TRERF1: variants seen among roughly 807,000 people sequenced by gnomAD.
TRERF1 encodes transcriptional regulating factor 1.
TRERF1 carries 27 observed loss-of-function variants against 122.9 expected under a neutral mutation model. The ratio of observed to expected loss-of-function variants is 0.22; its 90% CI spans 0.16 to 0.30. TRERF1 has a LOEUF of 0.30. Ranked by LOEUF, TRERF1 falls within the 10% of genes least tolerant of loss-of-function variation. The pLI is 1.00. For missense variants in TRERF1, 1,248 were observed against 1,560.3 expected, an observed-to-expected ratio of 0.80 and a Z score of 3.37; for synonymous variants, 636 against 641.7, an observed-to-expected ratio of 0.99 and a Z score of 0.13.
chr6:42,428,848 C>G (rs1784043418), intron 2 of TRERF1, among the ~76,000 whole-genome samples: 1 of 152,182 alleles, frequency 6.6e-6, no homozygotes, highest in Non-Finnish European at 1.5e-5. Flanking sequence ...CTGCCTCCCT[C>G]TCCCTCCCTT....
At chr6:42,231,309 GAAAT>G (rs1562099322) in intron 17 of TRERF1, among the ~76,000 whole-genome samples, 3 of 152,124 alleles carry the variant, frequency 2.0e-5, no homozygotes. Context: ...AGAACTATAA[GAAAT>G]AAATTTATTT....
intron 2 of TRERF1, among the ~76,000 whole-genome samples, chr6:42,415,721 T>C (rs1781737187): frequency 6.6e-6 from 1 of 152,194 alleles, no homozygotes; most frequent in Non-Finnish European, 1.5e-5. Flanking sequence ...CATCACTTAT[T>C]CAGCCAATTA....
exon 16 of TRERF1, chr6:42,236,316 C>A: frequency 1.2e-6 from 2 of 1,603,664 alleles, no homozygotes; most frequent in Non-Finnish European, 1.7e-6. Context: ...GCTCCGGGGA[C>A]TTCGGCACCT....
intron 2 of TRERF1, among the ~76,000 whole-genome samples, chr6:42,398,274 G>A (rs57001554): frequency 0.078 from 11,935 of 152,150 alleles, 649 homozygotes; most frequent in African/African-American, 0.14. Context: ...AAGTGAAGCA[G>A]GTCTGAACAT....
At chr6:42,245,848 C>T (rs1193974152) in intron 14 of TRERF1, among the ~76,000 whole-genome samples, 2 of 152,222 alleles carry the variant, frequency 1.3e-5, no homozygotes, top group Admixed American at 1.3e-4. Context: ...CGGCTCACGC[C>T]GGTAATCCCA....
chr6:42,439,829 G>C (rs1423781392), intron 2 of TRERF1, among the ~76,000 whole-genome samples: 1 of 152,196 alleles, frequency 6.6e-6, no homozygotes, highest in African/African-American at 2.4e-5. Context: ...AAGTCAGAGG[G>C]ATAAGCCTAG....
intron 3 of TRERF1, among the ~76,000 whole-genome samples, chr6:42,321,148 A>G (rs1763383254): frequency 6.8e-6 from 1 of 146,928 alleles, no homozygotes; most frequent in South Asian, 2.1e-4. Context: ...CTATTCTTCC[A>G]AGCCAAAAAA....
intron 3 of TRERF1, among the ~76,000 whole-genome samples, chr6:42,329,477 C>T (rs1474592602): frequency 2.0e-5 from 3 of 152,098 alleles, no homozygotes; most frequent in African/African-American, 7.2e-5. Flanking sequence ...GACCAACCTC[C>T]CACCCTCCAG....
At position 42,436,800 on chromosome 6, in the gene TRERF1, C is replaced by CA. The variant is rs775861205; in HGVS notation, c.-454+14376dup. On this transcript the variant is annotated intron_variant, in intron 2 of 17. Coordinates refer to ENST00000372922, the Ensembl canonical transcript of TRERF1. ...ATGAATTATTTGCAATCTCCCTCTACAAAAAAAAAAAAAAATATATATATA... is the reference window on the plus strand; with the variant it reads ...ATGAATTATTTGCAATCTCCCTCTACAAAAAAAAAAAAAAAATATATATATA... Among the ~76,000 whole-genome samples, 568 of 77,486 alleles carry CA rather than the reference C, an allele frequency of 7.3e-3. 11 individuals are homozygous for CA. Among genetic ancestry groups the CA allele is most frequent in the African/African-American group, 0.026 (418 of 15,790 alleles). 50.8% of individuals were successfully genotyped at this position (77,486 alleles called of 152,430 possible).
At chr6:42,267,870 G>A (rs1315101012) in intron 5 of TRERF1, among the ~76,000 whole-genome samples, 3 of 152,208 alleles carry the variant, frequency 2.0e-5, no homozygotes, top group African/African-American at 7.2e-5. Context: ...CCTGGCATGT[G>A]ACTCAAGGTC....
At chr6:42,297,598 G>A (rs72857621) in intron 4 of TRERF1, among the ~76,000 whole-genome samples, 2 of 152,308 alleles carry the variant, frequency 1.3e-5, no homozygotes, top group Non-Finnish European at 2.9e-5. Flanking sequence ...AGAATGGGGG[G>A]AAAATCTCTC....
intron 2 of TRERF1, among the ~76,000 whole-genome samples, chr6:42,378,723 G>C (rs1775354247): frequency 6.6e-6 from 1 of 152,184 alleles, no homozygotes; most frequent in African/African-American, 2.4e-5. Context: ...GAGAGGGGAA[G>C]TAACTGTCCA....
intron 15 of TRERF1, among the ~76,000 whole-genome samples, chr6:42,240,217 A>G (rs1049276002): frequency 1.2e-4 from 19 of 152,196 alleles, no homozygotes; most frequent in African/African-American, 4.6e-4. Flanking sequence ...AGCAACTCCT[A>G]TCTTCGAAAA....
chr6:42,299,060 G>C (rs1312191130), intron 4 of TRERF1, among the ~76,000 whole-genome samples: 1 of 147,182 alleles, frequency 6.8e-6, no homozygotes, highest in African/African-American at 2.6e-5. Flanking sequence ...GGGCAAGAGA[G>C]CAAGACCCTG....
intron 15 of TRERF1, among the ~76,000 whole-genome samples, chr6:42,241,120 G>A (rs998622528): frequency 3.9e-5 from 6 of 152,090 alleles, no homozygotes; most frequent in Admixed American, 3.3e-4. Flanking sequence ...TCCTGACCTC[G>A]TGATCCACCT....
chr6:42,396,320 A>G (rs1434296732), intron 2 of TRERF1, among the ~76,000 whole-genome samples: 1 of 151,940 alleles, frequency 6.6e-6, no homozygotes, highest in African/African-American at 2.4e-5. Flanking sequence ...AAGAACCCCA[A>G]ATCTGGGCCC....
At chr6:42,296,600 GCT>G (rs1366605723) in intron 4 of TRERF1, among the ~76,000 whole-genome samples, 1 of 152,176 alleles carries the variant, frequency 6.6e-6, no homozygotes, top group Non-Finnish European at 1.5e-5. Context: ...TTCAAACTCA[GCT>G]CTTTCTCCCT....
chr6:42,398,121 T>C (rs1778888171), intron 2 of TRERF1, among the ~76,000 whole-genome samples: 1 of 152,224 alleles, frequency 6.6e-6, no homozygotes. Flanking sequence ...GTCAGAGTCC[T>C]GAGTTCAAAT....
At chr6:42,311,475 C>A (rs1261931348) in intron 3 of TRERF1, among the ~76,000 whole-genome samples, 1 of 151,934 alleles carries the variant, frequency 6.6e-6, no homozygotes, top group Admixed American at 6.6e-5. Context: ...GGCATGAGAT[C>A]ATGGAGGGGC....
Sources: allele counts gnomAD v4.1 joint callset (sites outside exome capture counted in the v4.1 genomes callset), GRCh38; gene constraint gnomAD v4.1.1; transcripts MANE v1.5; gene names NCBI Gene and HGNC (gene_info 2026-07-23, HGNC 2026-07-21).